Variants in HK1 observed in about 807,000 individuals in gnomAD.
HK1 encodes the protein hexokinase 1.
A neutral mutation model predicts 91.6 loss-of-function variants in HK1; 28 were observed. That is an observed-to-expected ratio of 0.31 (90% CI 0.23 to 0.42). HK1 has a LOEUF of 0.42. Among genes scored for constraint, HK1 ranks in the 10% least tolerant of loss-of-function variants. HK1 has a pLI of 1.00. For missense variants in HK1, 770 were observed against 1,219.8 expected (o/e 0.63, Z 5.49); for synonymous variants, 430 against 468.1 (o/e 0.92, Z 1.05).
chr10:69,309,573 G>A (rs1207893772), intron 5 of HK1, among the ~76,000 whole-genome samples: 1 of 144,234 alleles, frequency 6.9e-6, no homozygotes, highest in Admixed American at 6.9e-5. Flanking sequence ...AGGCTGAGGT[G>A]GGCGGATCAT....
Position 69,318,879 on chromosome 10 carries a change from C to A in HK1, c.-69C>A. On this transcript the variant is annotated 5_prime_UTR_variant, in exon 1 of 18. Transcript: ENST00000359426. Reference sequence around the variant, plus strand: ...AGCCGCCGAGCAGCCGCCGGAGGACCACGGCTCGCCAGGGCTGCGGAGGAC... The same window carrying A: ...AGCCGCCGAGCAGCCGCCGGAGGACAACGGCTCGCCAGGGCTGCGGAGGAC... The A allele has an allele frequency of 1.3e-6, 2 of 1,519,440 alleles. No homozygotes were observed. Among genetic ancestry groups the A allele is most frequent in the Non-Finnish European group, 1.8e-6 (2 of 1,133,586 alleles). 94.1% of individuals were successfully genotyped at this position (1,519,440 alleles called of 1,614,324 possible).
intron 7 of HK1, among the ~76,000 whole-genome samples, chr10:69,373,745 A>G (rs548817909): frequency 1.4e-3 from 211 of 151,624 alleles, no homozygotes; most frequent in Middle Eastern, 6.8e-3. Flanking sequence ...CAGCAGTACC[A>G]TGCCTGGCTA....
chr10:69,337,364 C>T (rs1848043011), intron 1 of HK1, among the ~76,000 whole-genome samples: 1 of 152,158 alleles, frequency 6.6e-6, no homozygotes, highest in Non-Finnish European at 1.5e-5. Context: ...TGATGTCTTT[C>T]CTGCCTACTT....
chr10:69,363,466 C>T (rs1484726935), intron 3 of HK1, among the ~76,000 whole-genome samples: 1 of 152,194 alleles, frequency 6.6e-6, no homozygotes, highest in African/African-American at 2.4e-5. Context: ...GTAGCCTCGA[C>T]CTCCTGGGCT....
At chr10:69,299,236 G>A (rs937553254) in intron 4 of HK1, among the ~76,000 whole-genome samples, 5 of 150,618 alleles carry the variant, frequency 3.3e-5, no homozygotes, top group Admixed American at 2.0e-4. Context: ...GCAGTGGTGC[G>A]ATCTTGGCTC....
At chr10:69,342,143 GA>G (rs1010949978) in intron 1 of HK1, among the ~76,000 whole-genome samples, 5 of 147,130 alleles carry the variant, frequency 3.4e-5, no homozygotes, top group African/African-American at 1.3e-4. Flanking sequence ...GATAGACTAT[GA>G]AAAAAAAACC....
At chr10:69,287,966 CTG>C in intron 2 of HK1, among the ~76,000 whole-genome samples, 1 of 145,416 alleles carries the variant, frequency 6.9e-6, no homozygotes. Context: ...TAGCAAGACA[CTG>C]TGTCTACAAA....
chr10:69,287,214 G>A (rs944757664), intron 2 of HK1, among the ~76,000 whole-genome samples: 3 of 152,166 alleles, frequency 2.0e-5, no homozygotes, highest in Non-Finnish European at 2.9e-5. Context: ...TAATCATGGC[G>A]GGAAGGCAAA....
chr10:69,399,258 C>T (rs1412530739), intron 17 of HK1, among the ~76,000 whole-genome samples: 3 of 152,122 alleles, frequency 2.0e-5, no homozygotes, highest in African/African-American at 7.2e-5. Context: ...CACCTGTAAT[C>T]CAGCACTTTG....
intron 3 of HK1, among the ~76,000 whole-genome samples, chr10:69,360,894 T>G (rs1849385226): frequency 6.6e-6 from 1 of 152,228 alleles, no homozygotes; most frequent in Non-Finnish European, 1.5e-5. Flanking sequence ...GCTCGCCTCC[T>G]GAGTTGTGGC....
At chr10:69,318,824 GGGAGGAGCCGGGGGAGGA>G, upstream of HK1, 1 of 1,435,666 alleles carries the variant, frequency 7.0e-7, no homozygotes. Flanking sequence ...CGGGCCGAGG[GGGAGGAGCCGGGGGAGGA>G]GGAGGAGGAG....
At position 69,369,667 on chromosome 10, in the gene HK1, G is replaced by A; in HGVS notation, c.875+43G>A. The stretch of plus-strand genomic sequence containing the variant: ...GCTTCTAACCACATATGTGAGTTAG[G>A]GGACATTTGATGAAAGATTTGGGAT... On this transcript the variant is annotated intron_variant, in intron 7 of 17. Coordinates refer to ENST00000359426, the MANE Select transcript of HK1 (RefSeq NM_000188.3). This position sits in a 1 kb window ranked among gnomAD's most constrained non-coding sequence, Gnocchi z 4.4. 1 of 1,545,512 alleles carries A rather than the reference G, an allele frequency of 6.5e-7. No homozygotes were observed. The highest frequency in any genetic ancestry group is 8.9e-7 in the Non-Finnish European group (1 of 1,124,478).
intron 5 of HK1, among the ~76,000 whole-genome samples, chr10:69,301,244 C>CAAAA (rs35215102): frequency 7.9e-5 from 9 of 113,438 alleles, no homozygotes; most frequent in Non-Finnish European, 1.4e-4. Flanking sequence ...GACTCCATCT[C>CAAAA]AAAAAAAAAA....
chr10:69,272,733 T>C (rs933740565), intron 1 of HK1, among the ~76,000 whole-genome samples: 13 of 152,002 alleles, frequency 8.6e-5, no homozygotes, highest in Non-Finnish European at 1.8e-4. Flanking sequence ...TTAACTATAA[T>C]GTGCTTGGAT....
At chr10:69,274,328 T>C (rs1844330896) in intron 1 of HK1, among the ~76,000 whole-genome samples, 1 of 152,204 alleles carries the variant, frequency 6.6e-6, no homozygotes, top group African/African-American at 2.4e-5. Flanking sequence ...CCAGGCGCAG[T>C]GGCTCACGTT....
At chr10:69,379,313 G>A (rs938198008) in intron 8 of HK1, among the ~76,000 whole-genome samples, 3 of 152,112 alleles carry the variant, frequency 2.0e-5, no homozygotes, top group Non-Finnish European at 4.4e-5. Flanking sequence ...GTATGTATAT[G>A]TGTTTGTGTG....
At chr10:69,312,898 C>T (rs536317585), upstream of HK1, among the ~76,000 whole-genome samples, 4 of 152,324 alleles carry the variant, frequency 2.6e-5, no homozygotes, top group African/African-American at 9.6e-5. Flanking sequence ...ATACTCTTTA[C>T]ACAAGGGAGC....
chr10:69,326,077 A>G (rs867607758), intron 1 of HK1, among the ~76,000 whole-genome samples: 12 of 138,212 alleles, frequency 8.7e-5, no homozygotes, highest in South Asian at 2.3e-4. Context: ...CTCGTGATTC[A>G]CCCGCCTCGG....
chr10:69,353,755 C>T (rs907699663), intron 2 of HK1, among the ~76,000 whole-genome samples: 9 of 152,202 alleles, frequency 5.9e-5, no homozygotes, highest in Admixed American at 4.6e-4. Flanking sequence ...TTCTCCCATG[C>T]CCCTCCCTGT....
Sources: gnomAD v4.1 joint callset for allele counts (sites outside exome capture counted in the v4.1 genomes callset) on GRCh38, gnomAD v4.1.1 for gene constraint, Gnocchi (gnomAD v3.1) non-coding constraint, MANE v1.5 for transcripts, NCBI Gene and HGNC (gene_info 2026-07-23, HGNC 2026-07-21) for gene names.